SNX24: variants seen among roughly 807,000 people sequenced by gnomAD.
SNX24 encodes the protein sorting nexin-24.
SNX24 carries 22 observed loss-of-function variants against 28.7 expected under a neutral mutation model. The observed-to-expected ratio is 0.77, with a 90% CI of 0.55 to 1.10. SNX24 has a LOEUF of 1.10. SNX24 is among the 50% of genes least tolerant of loss of function. The pLI is 0.00. For missense variants in SNX24, 221 were observed against 201.1 expected (o/e 1.10, Z -0.60); for synonymous variants, 69 against 71.5 (o/e 0.96, Z 0.18).
chr5:122,882,207 TC>T (rs1276750650), intron 1 of SNX24, among the ~76,000 whole-genome samples: 1 of 152,136 alleles, frequency 6.6e-6, no homozygotes, highest in Non-Finnish European at 1.5e-5. Context: ...CACCCCAGCC[TC>T]CCAAAATGCT....
intron 1 of SNX24, among the ~76,000 whole-genome samples, chr5:122,888,327 T>C (rs1369341481): frequency 6.6e-6 from 1 of 152,290 alleles, no homozygotes; most frequent in East Asian, 1.9e-4. Flanking sequence ...GGAGAGAGTA[T>C]AGCACAGTTA....
chr5:122,896,092 G>C (rs779103956), intron 1 of SNX24, among the ~76,000 whole-genome samples: 15 of 152,206 alleles, frequency 9.9e-5, no homozygotes, highest in Non-Finnish European at 2.1e-4. Flanking sequence ...AGGTTGCAGT[G>C]AGCTGAGATC....
intron 1 of SNX24, among the ~76,000 whole-genome samples, chr5:122,931,853 TG>T (rs777584359): frequency 2.0e-5 from 3 of 151,840 alleles, no homozygotes; most frequent in African/African-American, 4.8e-5. Context: ...CTTTTTTTTT[TG>T]CTTTAGAAGT....
intron 2 of SNX24, among the ~76,000 whole-genome samples, chr5:122,940,483 A>G (rs931268215): frequency 6.6e-6 from 1 of 152,166 alleles, no homozygotes; most frequent in Non-Finnish European, 1.5e-5. Context: ...CATCATAGAT[A>G]TTGACCCTCA....
intron 5 of SNX24, among the ~76,000 whole-genome samples, chr5:123,015,359 A>C (rs1762661605): frequency 6.6e-6 from 1 of 152,342 alleles, no homozygotes; most frequent in Middle Eastern, 3.4e-3. Context: ...GATTTGTTAC[A>C]TCCTCCTTGT....
intron 1 of SNX24, among the ~76,000 whole-genome samples, chr5:122,857,514 A>G (rs1755252063): frequency 6.6e-6 from 1 of 151,910 alleles, no homozygotes; most frequent in South Asian, 2.1e-4. Context: ...TCCGGGTACT[A>G]AACCTAGTAC....
chr5:122,858,124 G>C (rs1755292911), intron 1 of SNX24, among the ~76,000 whole-genome samples: 1 of 152,102 alleles, frequency 6.6e-6, no homozygotes. Flanking sequence ...TTGCTATTGT[G>C]GATAGCCAGC....
At chr5:122,954,517 T>C (rs13166783) in intron 3 of SNX24, among the ~76,000 whole-genome samples, 4,005 of 151,280 alleles carry the variant, frequency 0.026, 70 homozygotes, top group Non-Finnish European at 0.037. Context: ...ACCAATACTG[T>C]TTTTTTTCTT....
chr5:122,900,932 G>A (rs1283124577), intron 1 of SNX24, among the ~76,000 whole-genome samples: 1 of 152,156 alleles, frequency 6.6e-6, no homozygotes, highest in Non-Finnish European at 1.5e-5. Context: ...CAGGTGTGGT[G>A]GCTCGTGCCT....
At chr5:122,973,571 C>G (rs1209848089) in intron 3 of SNX24, among the ~76,000 whole-genome samples, 1 of 152,162 alleles carries the variant, frequency 6.6e-6, no homozygotes, top group Non-Finnish European at 1.5e-5. Flanking sequence ...GGCATTTGAG[C>G]CACTTCCTCA....
At chr5:122,919,255 C>T (rs246265) in intron 1 of SNX24, among the ~76,000 whole-genome samples, 117,176 of 152,152 alleles carry the variant, frequency 0.77, 46,001 homozygotes, top group East Asian at 0.99. Context: ...GTGGCTTCCG[C>T]ATTTTATGGA....
intron 1 of SNX24, among the ~76,000 whole-genome samples, chr5:122,873,116 C>A (rs964669085): frequency 1.3e-5 from 2 of 152,036 alleles, no homozygotes; most frequent in African/African-American, 4.8e-5. Flanking sequence ...AAAGGCACCA[C>A]ACCACCATGC....
chr5:122,879,111 C>G (rs1186780579), intron 1 of SNX24, among the ~76,000 whole-genome samples: 6 of 151,990 alleles, frequency 3.9e-5, no homozygotes, highest in African/African-American at 1.5e-4. Context: ...AAGTATTATT[C>G]TAACATGTAA....
At chr5:123,011,162 C>T (rs1762569764), downstream of SNX24, among the ~76,000 whole-genome samples, 1 of 150,952 alleles carries the variant, frequency 6.6e-6, no homozygotes, top group African/African-American at 2.4e-5. Context: ...GATTCACAGG[C>T]AATAGAGAAG....
At chr5:122,890,976 A>G (rs1044142102) in intron 1 of SNX24, 12 of 1,386,056 alleles carry the variant, frequency 8.7e-6, no homozygotes, top group African/African-American at 5.9e-5. Flanking sequence ...TAAATAGTAT[A>G]TAAGAGTATG....
downstream of SNX24, among the ~76,000 whole-genome samples, chr5:123,013,790 G>A (rs1389898958): frequency 5.3e-5 from 8 of 152,118 alleles, no homozygotes; most frequent in East Asian, 1.5e-3. Context: ...ATACTCCTAT[G>A]AACTCCTATG....
intron 3 of SNX24, among the ~76,000 whole-genome samples, chr5:122,956,709 T>C (rs1760233122): frequency 6.6e-6 from 1 of 152,096 alleles, no homozygotes. Context: ...GTTCCCTGGG[T>C]TTTTTATATT....
chr5:122,945,950 A>C, intron 2 of SNX24, 105 bp from the exon 3 acceptor site: 4 of 575,964 alleles, frequency 6.9e-6, no homozygotes, highest in Non-Finnish European at 9.3e-6. Context: ...AGATAGCAGT[A>C]GTTCACTTTC....
At chr5:122,912,537 T>C (rs1001716711) in intron 1 of SNX24, among the ~76,000 whole-genome samples, 2 of 152,202 alleles carry the variant, frequency 1.3e-5, no homozygotes, top group Non-Finnish European at 2.9e-5. Context: ...GAGGGCATCC[T>C]GTCTTGTGCC....
Sources: gnomAD v4.1 joint callset for allele counts (sites outside exome capture counted in the v4.1 genomes callset) on GRCh38, gnomAD v4.1.1 for gene constraint, MANE v1.5 for transcripts, NCBI Gene and HGNC (gene_info 2026-07-23, HGNC 2026-07-21) for gene names.